TESC: variants seen among roughly 807,000 people sequenced by gnomAD.
TESC encodes tescalcin.
Under a neutral mutation model 31.0 loss-of-function variants are expected in TESC, and 19 were observed. That is an observed-to-expected ratio of 0.61 (90% CI 0.43 to 0.90). The LOEUF (loss-of-function observed/expected upper bound fraction) is 0.90, where lower values mean the gene tolerates loss of function less well. TESC is among the 40% of genes least tolerant of loss of function. The pLI is 0.00. For missense variants in TESC, 248 were observed against 303.8 expected (o/e 0.82, Z 1.36); for synonymous variants, 109 against 114.8 (o/e 0.95, Z 0.32).
At chr12:117,076,912 G>C (rs1433305258) in intron 1 of TESC, among the ~76,000 whole-genome samples, 1 of 152,106 alleles carries the variant, frequency 6.6e-6, no homozygotes, top group Admixed American at 6.6e-5. Context: ...TGGCACTCAA[G>C]GACTTTAGGT....
intron 6 of TESC, among the ~76,000 whole-genome samples, chr12:117,045,318 G>A (rs916202011): frequency 6.6e-6 from 1 of 152,244 alleles, no homozygotes; most frequent in African/African-American, 2.4e-5. Flanking sequence ...GGGGTTTTAT[G>A]CAGATCAGCA....
At chr12:117,049,193 T>G (rs183572326) in intron 3 of TESC, 35 bp from the exon 4 acceptor site, 1 of 1,613,562 alleles carries the variant, frequency 6.2e-7, no homozygotes, top group Admixed American at 1.7e-5. Context: ...TGGAAATAAA[T>G]GAAGAACTGG....
rs749129728 is a variant in TESC, at chr12:117,046,809, C to T, written c.379G>A (p.Asp127Asn). Reference sequence around the variant, plus strand: ...TATTCTTCCAGAGTGATGCGGCCGTCGCTGTCCGAGTCGTACATGTGGAAC... The same window carrying T: ...TATTCTTCCAGAGTGATGCGGCCGTTGCTGTCCGAGTCGTACATGTGGAAC... Reference protein sequence around the residue: ...FLFHMYDSDSDGRITLEEYRN... With the variant: ...FLFHMYDSDSNGRITLEEYRN... The change falls in exon 5 of 8, where the codon GAC (aspartate) becomes AAC (asparagine). Residue 127 changes from aspartate (D) to asparagine (N), a missense_variant. Coordinates refer to ENST00000335209, the MANE Select transcript of TESC (RefSeq NM_017899.4). 16 of 1,571,666 alleles carry T rather than the reference C, an allele frequency of 1.0e-5. No individual in the cohort carries two copies. Among genetic ancestry groups the T allele is most frequent in the Middle Eastern group, 1.7e-4 (1 of 6,020 alleles).
At chr12:117,044,365 G>A (rs559210627) in intron 6 of TESC, among the ~76,000 whole-genome samples, 23 of 152,266 alleles carry the variant, frequency 1.5e-4, no homozygotes, top group African/African-American at 5.3e-4. Context: ...CTTCCTCCCT[G>A]TCTTCCCACT....
chr12:117,066,373 A>ATTTT (rs55744717), intron 2 of TESC, among the ~76,000 whole-genome samples: 1 of 129,636 alleles, frequency 7.7e-6, no homozygotes, highest in Non-Finnish European at 1.6e-5. Context: ...TGAATGGCTA[A>ATTTT]TTTTTTTTTT....
intron 3 of TESC, among the ~76,000 whole-genome samples, chr12:117,054,735 C>G (rs545079979): frequency 5.3e-5 from 8 of 152,290 alleles, no homozygotes; most frequent in African/African-American, 1.9e-4. Flanking sequence ...TGGTTCATCC[C>G]TGCACAGCTC....
intron 1 of TESC, among the ~76,000 whole-genome samples, chr12:117,095,692 C>T (rs1400082930): frequency 4.6e-5 from 7 of 152,110 alleles, no homozygotes; most frequent in Admixed American, 3.9e-4. Flanking sequence ...CTAGTCTGAT[C>T]AACATGGCAA....
intron 6 of TESC, among the ~76,000 whole-genome samples, chr12:117,045,985 TCA>T (rs1474953561): frequency 9.9e-5 from 15 of 152,172 alleles, no homozygotes; most frequent in African/African-American, 3.1e-4. Context: ...TCTCTGAGTC[TCA>T]GTTTTCCCAC....
At chr12:117,070,732 G>A (rs1182384125) in intron 2 of TESC, among the ~76,000 whole-genome samples, 1 of 152,100 alleles carries the variant, frequency 6.6e-6, no homozygotes, top group Non-Finnish European at 1.5e-5. Context: ...GAGAGTGAGC[G>A]TCCCTACCTC....
At chr12:117,076,327 G>T (rs545529768) in intron 1 of TESC, among the ~76,000 whole-genome samples, 1 of 152,232 alleles carries the variant, frequency 6.6e-6, no homozygotes, top group Admixed American at 6.5e-5. Context: ...GAAATGGAAG[G>T]ACTCCAATCT....
At chr12:117,061,383 C>T (rs1954799032) in intron 2 of TESC, among the ~76,000 whole-genome samples, 1 of 150,804 alleles carries the variant, frequency 6.6e-6, no homozygotes, top group Non-Finnish European at 1.5e-5. Context: ...AGGTGCCTTC[C>T]CCAGGGCCCA....
chr12:117,097,727 C>T (rs1955414429), intron 1 of TESC, among the ~76,000 whole-genome samples: 1 of 152,108 alleles, frequency 6.6e-6, no homozygotes, highest in South Asian at 2.1e-4. Context: ...CTCACTCTCC[C>T]TTCATCCCTT....
chr12:117,079,472 G>A (rs1020736087), intron 1 of TESC, among the ~76,000 whole-genome samples: 1 of 151,880 alleles, frequency 6.6e-6, no homozygotes, highest in Admixed American at 6.6e-5. Context: ...TGAGGCAGGA[G>A]AATCACTTGA....
At position 117,039,229 on chromosome 12, in the gene TESC, C is replaced by T. The variant is rs1954445982; in HGVS notation, c.568-19G>A. On this transcript the variant is annotated intron_variant, in intron 7 of 7. Transcript: ENST00000335209. ...GCCAGATCTGGAAGGGACGGAGCAG[C>T]GTTAAGGGCACGTTCCCGCCGCCAC... 2 of 1,609,772 alleles carry T rather than the reference C, an allele frequency of 1.2e-6. No individual in the cohort carries two copies. The highest frequency in any genetic ancestry group is 1.1e-5 in the South Asian group (1 of 90,318).
At chr12:117,075,877 A>ATATATATATATATATATATGTGTG (rs1955052183) in intron 1 of TESC, among the ~76,000 whole-genome samples, 1 of 9,148 alleles carries the variant, frequency 1.1e-4, no homozygotes, top group Non-Finnish European at 2.0e-4. Context: ...ATATGTGTGT[A>ATATATATATATATATATATGTGTG]TATATATATA....
chr12:117,058,448 T>C (rs745907318), intron 2 of TESC, among the ~76,000 whole-genome samples: 12 of 151,398 alleles, frequency 7.9e-5, no homozygotes, highest in Non-Finnish European at 2.9e-5. Flanking sequence ...GTGATGAATA[T>C]GTTCTAATAT....
intron 2 of TESC, among the ~76,000 whole-genome samples, chr12:117,071,831 CAGG>C (rs1251871250): frequency 6.6e-6 from 1 of 152,150 alleles, no homozygotes; most frequent in African/African-American, 2.4e-5. Flanking sequence ...TCAGCTCCTG[CAGG>C]AGGAGGACGC....
chr12:117,071,379 G>A lies in TESC; in HGVS notation c.128+3892C>T, dbSNP rs188586261. ...GTCTGCTGGGGTGAGGGGATGTGGG[G>A]GCAGTTATAATTCTGTGCTGTGAAT... On this transcript the variant is annotated intron_variant, in intron 2 of 7. Coordinates refer to ENST00000335209, the MANE Select transcript of TESC (RefSeq NM_017899.4). 2.5e-3 allele frequency among the ~76,000 whole-genome samples: 386 copies of A among 152,326 alleles called. 2 individuals are homozygous for A. The highest frequency in any genetic ancestry group is 9.1e-3 in the African/African-American group (379 of 41,570).
At chr12:117,081,890 G>A (rs909660123) in intron 1 of TESC, among the ~76,000 whole-genome samples, 3 of 151,702 alleles carry the variant, frequency 2.0e-5, no homozygotes, top group African/African-American at 4.8e-5. Context: ...GGCAACAAGA[G>A]CAAAAACTCT....
Sources: allele counts gnomAD v4.1 joint callset (sites outside exome capture counted in the v4.1 genomes callset), GRCh38; gene constraint gnomAD v4.1.1; transcripts MANE v1.5; gene names NCBI Gene and HGNC (gene_info 2026-07-23, HGNC 2026-07-21).